The following SHC4 variants were observed in gnomAD, a reference collection of about 807,000 sequenced individuals.
The protein encoded by SHC4 is SHC adaptor protein 4, also known as SHC-transforming protein 4.
A neutral mutation model predicts 69.4 loss-of-function variants in SHC4; 41 were observed. The ratio of observed to expected loss-of-function variants is 0.59; its 90% CI spans 0.46 to 0.77. The LOEUF (loss-of-function observed/expected upper bound fraction) is 0.77, where lower values mean the gene tolerates loss of function less well. SHC4 is among the 30% of genes least tolerant of loss of function. SHC4 has a pLI of 0.00. For synonymous variants in SHC4, 318 were observed against 299.3 expected (o/e 1.06, Z -0.64); for missense variants, 777 against 783.8 (o/e 0.99, Z 0.10).
chr15:48,877,874 TGCA>T (rs1899843317), intron 4 of SHC4: 1 of 268,108 alleles, frequency 3.7e-6, no homozygotes, highest in Non-Finnish European at 7.1e-6. Flanking sequence ...TTTTCCGGTT[TGCA>T]GCATTACAAG....
chr15:48,934,940 G>A (rs183151129), intron 1 of SHC4, among the ~76,000 whole-genome samples: 2 of 152,166 alleles, frequency 1.3e-5, no homozygotes, highest in Non-Finnish European at 2.9e-5. Context: ...GGGGAATGGA[G>A]TGTGACCTCT....
intron 4 of SHC4, among the ~76,000 whole-genome samples, chr15:48,873,470 C>T (rs1250559877): frequency 2.6e-5 from 4 of 152,202 alleles, no homozygotes; most frequent in East Asian, 3.8e-4. Context: ...GTCGGCCGGG[C>T]GCAGTGGCTC....
At chr15:48,953,748 T>A (rs1356707725) in intron 1 of SHC4, among the ~76,000 whole-genome samples, 1 of 152,234 alleles carries the variant, frequency 6.6e-6, no homozygotes, top group African/African-American at 2.4e-5. Context: ...CCTGTCAATG[T>A]CATTTAGCCC....
intron 6 of SHC4, among the ~76,000 whole-genome samples, chr15:48,861,936 T>G (rs1466810528): frequency 6.6e-6 from 1 of 152,228 alleles, no homozygotes; most frequent in Non-Finnish European, 1.5e-5. Context: ...ACAGTTTTTT[T>G]GTTTTGTTTC....
At chr15:48,873,920 G>T (rs560910268) in intron 4 of SHC4, among the ~76,000 whole-genome samples, 1 of 152,292 alleles carries the variant, frequency 6.6e-6, no homozygotes, top group East Asian at 1.9e-4. Context: ...TCATGGATGA[G>T]AAGATGGTAT....
chr15:48,942,330 C>T (rs539257946), intron 1 of SHC4, among the ~76,000 whole-genome samples: 23 of 152,220 alleles, frequency 1.5e-4, no homozygotes, highest in African/African-American at 4.6e-4. Flanking sequence ...CTAAGCTATT[C>T]GATCACAAAC....
At chr15:48,935,756 A>G (rs1901057864) in intron 1 of SHC4, among the ~76,000 whole-genome samples, 1 of 152,090 alleles carries the variant, frequency 6.6e-6, no homozygotes, top group African/African-American at 2.4e-5. Flanking sequence ...TAGGGAAGCA[A>G]GTTTAGAGAG....
At chr15:48,887,956 A>C (rs888714775) in intron 3 of SHC4, among the ~76,000 whole-genome samples, 13 of 152,220 alleles carry the variant, frequency 8.5e-5, no homozygotes, top group Non-Finnish European at 1.9e-4. Flanking sequence ...AAAGAAACTG[A>C]AAATGTGAAT....
chr15:48,956,411 C>A (rs145323153), intron 1 of SHC4, among the ~76,000 whole-genome samples: 2 of 152,146 alleles, frequency 1.3e-5, no homozygotes, highest in Non-Finnish European at 2.9e-5. Context: ...TGTGGCAAGG[C>A]CTTTTTCTCT....
intron 2 of SHC4, among the ~76,000 whole-genome samples, chr15:48,899,822 G>A (rs976163439): frequency 1.3e-5 from 2 of 152,112 alleles, no homozygotes; most frequent in African/African-American, 4.8e-5. Flanking sequence ...AATCAACTGG[G>A]TGCTGGTTAA....
intron 3 of SHC4, among the ~76,000 whole-genome samples, chr15:48,889,173 C>G (rs1200351822): frequency 6.6e-6 from 1 of 152,144 alleles, no homozygotes. Context: ...CTGGAATCAT[C>G]CAGTTGAAGC....
intron 11 of SHC4, among the ~76,000 whole-genome samples, chr15:48,834,012 T>A (rs1898855993): frequency 6.6e-6 from 1 of 152,204 alleles, no homozygotes; most frequent in Non-Finnish European, 1.5e-5. Flanking sequence ...TCTGCCATCT[T>A]GCTGATGTCA....
chr15:48,954,272 C>G (rs905947473), intron 1 of SHC4, among the ~76,000 whole-genome samples: 2 of 152,142 alleles, frequency 1.3e-5, no homozygotes, highest in South Asian at 4.1e-4. Context: ...ACCAAATGTC[C>G]CTTGAGTGGC....
At chr15:48,885,466 T>C (rs933487153) in intron 3 of SHC4, among the ~76,000 whole-genome samples, 1 of 152,184 alleles carries the variant, frequency 6.6e-6, no homozygotes, top group Non-Finnish European at 1.5e-5. Flanking sequence ...CTTCCTAACA[T>C]TAAAAATTCT....
At chr15:48,874,516 G>A (rs1181535887) in intron 4 of SHC4, among the ~76,000 whole-genome samples, 3 of 152,182 alleles carry the variant, frequency 2.0e-5, no homozygotes, top group Non-Finnish European at 2.9e-5. Flanking sequence ...TCAGATCAGT[G>A]GCGACATTAG....
At chr15:48,829,758 A>C (rs1187931334) in intron 11 of SHC4, among the ~76,000 whole-genome samples, 1 of 152,128 alleles carries the variant, frequency 6.6e-6, no homozygotes, top group Non-Finnish European at 1.5e-5. Flanking sequence ...GTCTCCACTA[A>C]AAATATATAA....
intron 5 of SHC4, among the ~76,000 whole-genome samples, chr15:48,868,842 A>G (rs1899612056): frequency 6.6e-6 from 1 of 152,364 alleles, no homozygotes; most frequent in African/African-American, 2.4e-5. Context: ...CTCTTACGCA[A>G]AAAGAAAAAA....
At chr15:48,849,607 G>C (rs912266836) in intron 9 of SHC4, among the ~76,000 whole-genome samples, 7 of 152,140 alleles carry the variant, frequency 4.6e-5, no homozygotes, top group Non-Finnish European at 1.0e-4. Context: ...GATAAAATAG[G>C]ACATGGAGGT....
chr15:48,928,309 G>A (rs996546941), intron 1 of SHC4, among the ~76,000 whole-genome samples: 6 of 152,310 alleles, frequency 3.9e-5, no homozygotes, highest in Non-Finnish European at 8.8e-5. Flanking sequence ...GCAAGAATGT[G>A]CCCTACTTCT....
Sources: gnomAD v4.1 joint callset for allele counts (sites outside exome capture counted in the v4.1 genomes callset) on GRCh38, gnomAD v4.1.1 for gene constraint, MANE v1.5 for transcripts, NCBI Gene and HGNC (gene_info 2026-07-23, HGNC 2026-07-21) for gene names.